Variants in COL5A2 observed in about 807,000 individuals in gnomAD.
COL5A2 encodes the protein collagen type V alpha 2 chain, also known as collagen alpha-2(V) chain.
COL5A2 carries 23 observed loss-of-function variants against 208.2 expected under a neutral mutation model. The observed-to-expected ratio is 0.11, with a 90% confidence interval of 0.08 to 0.16. The LOEUF (loss-of-function observed/expected upper bound fraction) is 0.16, where lower values mean the gene tolerates loss of function less well. Ranked by LOEUF, COL5A2 falls within the 10% of genes least tolerant of loss-of-function variation. COL5A2 has a pLI of 1.00. For missense variants in COL5A2, 1,590 were observed against 1,956.4 expected (o/e 0.81, Z 3.53); for synonymous variants, 625 against 628.5 (o/e 0.99, Z 0.08).
At chr2:189,413,573 G>T in the COL5A2 span, among the ~76,000 whole-genome samples, 3 of 152,068 alleles carry the variant, frequency 2.0e-5, no homozygotes, top group South Asian at 2.1e-4. Flanking sequence ...GAAAACAAAA[G>T]AAATTTACGC....
the COL5A2 span, among the ~76,000 whole-genome samples, chr2:189,276,206 C>A: frequency 0.014 from 2,095 of 152,318 alleles, 24 homozygotes; most frequent in South Asian, 0.045. Context: ...ACACACTACA[C>A]AGAATGCTTA....
intron 35 of COL5A2, 122 bp downstream of exon 35, chr2:189,056,851 A>G (rs1292955988): frequency 5.5e-6 from 5 of 906,152 alleles, no homozygotes; most frequent in Non-Finnish European, 9.2e-6. Flanking sequence ...ACATGCCATT[A>G]TTCTCCAACT....
the COL5A2 span, among the ~76,000 whole-genome samples, chr2:189,337,049 T>C: frequency 4.6e-5 from 7 of 152,202 alleles, no homozygotes; most frequent in African/African-American, 1.7e-4. Context: ...AGATATGCCT[T>C]TGTGTACATA....
intron 6 of COL5A2, among the ~76,000 whole-genome samples, chr2:189,095,634 TG>T (rs1427555710): frequency 6.6e-6 from 1 of 152,114 alleles, no homozygotes; most frequent in Non-Finnish European, 1.5e-5. Flanking sequence ...TGAGAAGGGT[TG>T]GGGAGTAGAT....
At chr2:189,038,968 C>T (rs767534663) in intron 51 of COL5A2, among the ~76,000 whole-genome samples, 3 of 152,078 alleles carry the variant, frequency 2.0e-5, no homozygotes, top group Non-Finnish European at 4.4e-5. Context: ...GGATTACAGG[C>T]GTGAGACACC....
chr2:189,405,754 T>C, the COL5A2 span, among the ~76,000 whole-genome samples: 2 of 152,208 alleles, frequency 1.3e-5, no homozygotes, highest in Non-Finnish European at 1.5e-5. Flanking sequence ...GGAAAATGCA[T>C]GTGAGACCAG....
chr2:189,242,739 T>C, the COL5A2 span, among the ~76,000 whole-genome samples: 1 of 152,196 alleles, frequency 6.6e-6, no homozygotes, highest in Admixed American at 6.5e-5. Context: ...GGAAGTTTGA[T>C]AAATTAATGG....
At chr2:189,421,864 C>T in the COL5A2 span, among the ~76,000 whole-genome samples, 7 of 152,140 alleles carry the variant, frequency 4.6e-5, no homozygotes, top group Non-Finnish European at 1.0e-4. Flanking sequence ...TCTAGCACAT[C>T]CCAGCTCCAC....
At chr2:189,097,750 G>A (rs1464301961) in intron 5 of COL5A2, 4 of 452,342 alleles carry the variant, frequency 8.8e-6, no homozygotes, top group Non-Finnish European at 1.8e-5. Flanking sequence ...TCCAGGGACT[G>A]TATGAAATCA....
chr2:189,370,417 A>G, the COL5A2 span, among the ~76,000 whole-genome samples: 1 of 152,188 alleles, frequency 6.6e-6, no homozygotes, highest in Non-Finnish European at 1.5e-5. Flanking sequence ...TCATCACATT[A>G]ATAGTGTAAA....
At chr2:189,319,427 T>C in the COL5A2 span, among the ~76,000 whole-genome samples, 43 of 152,352 alleles carry the variant, frequency 2.8e-4, 1 homozygote, top group African/African-American at 9.6e-4. Flanking sequence ...CAAGCAAAGC[T>C]GTGACAGACT....
intron 1 of COL5A2, among the ~76,000 whole-genome samples, chr2:189,139,089 A>T (rs2105768316): frequency 6.6e-6 from 1 of 152,244 alleles, no homozygotes; most frequent in East Asian, 1.9e-4. Context: ...AAGACACAGG[A>T]CAAATACCAC....
the COL5A2 span, among the ~76,000 whole-genome samples, chr2:189,246,102 GA>G: frequency 2.0e-5 from 3 of 151,536 alleles, no homozygotes; most frequent in Admixed American, 6.6e-5. Flanking sequence ...TTTTATCTCT[GA>G]AAAAAAACAT....
At chr2:189,341,224 G>C in the COL5A2 span, among the ~76,000 whole-genome samples, 41 of 152,086 alleles carry the variant, frequency 2.7e-4, no homozygotes, top group African/African-American at 9.7e-4. Flanking sequence ...ATGTCATGTA[G>C]AGTGACTAAC....
the COL5A2 span, among the ~76,000 whole-genome samples, chr2:189,405,394 G>A: frequency 2.6e-5 from 4 of 151,906 alleles, no homozygotes; most frequent in African/African-American, 9.7e-5. Flanking sequence ...ATGACACCCG[G>A]CTAATTTTTG....
At chr2:189,136,666 T>G (rs1687833519) in intron 1 of COL5A2, among the ~76,000 whole-genome samples, 2 of 151,446 alleles carry the variant, frequency 1.3e-5, no homozygotes. Context: ...ATAGTCAAAT[T>G]TCCAAACCTG....
intron 6 of COL5A2, among the ~76,000 whole-genome samples, chr2:189,093,009 G>A (rs1686820662): frequency 6.6e-6 from 1 of 152,052 alleles, no homozygotes; most frequent in African/African-American, 2.4e-5. Context: ...TTAAAGCCTG[G>A]CACACTTTAT....
At chr2:189,437,146 T>C in the COL5A2 span, among the ~76,000 whole-genome samples, 1 of 152,216 alleles carries the variant, frequency 6.6e-6, no homozygotes, top group Non-Finnish European at 1.5e-5. Context: ...TAGTAAGTCT[T>C]AGGTTTTTCA....
intron 1 of COL5A2, among the ~76,000 whole-genome samples, chr2:189,134,390 G>A (rs764682238): frequency 1.1e-4 from 17 of 152,182 alleles, no homozygotes; most frequent in Non-Finnish European, 7.4e-5. Context: ...AGGAGTTCCA[G>A]ACCAGCCTAG....
Sources: gnomAD v4.1 joint callset for allele counts (sites outside exome capture counted in the v4.1 genomes callset) on GRCh38, gnomAD v4.1.1 for gene constraint, MANE v1.5 for transcripts, NCBI Gene and HGNC (gene_info 2026-07-23, HGNC 2026-07-21) for gene names.